ADARB2: variants seen among roughly 807,000 people sequenced by gnomAD.
ADARB2 encodes adenosine deaminase RNA specific B2 (inactive).
A neutral mutation model predicts 62.2 loss-of-function variants in ADARB2; 25 were observed. That is an observed-to-expected ratio of 0.40 (90% CI 0.29 to 0.56). The LOEUF (loss-of-function observed/expected upper bound fraction) is 0.56. Ranked by LOEUF, ADARB2 falls within the 20% of genes least tolerant of loss-of-function variation. The pLI, the probability that ADARB2 is intolerant of heterozygous loss-of-function variation, is 0.43. For missense variants in ADARB2, 1,071 were observed against 1,077.4 expected (o/e 0.99, Z 0.08); for synonymous variants, 572 against 500.8 (o/e 1.14, Z -1.90).
In ADARB2 at chr10:1,600,617, G is replaced by A. The variant is rs1223803655; in HGVS notation, c.100+136434C>T. Among the ~76,000 whole-genome samples, 7 of 125,432 alleles carry A rather than the reference G, an allele frequency of 5.6e-5. No individual in the cohort carries two copies. In the East Asian group the frequency reaches 1.0e-3, roughly 18 times the overall value. 82.3% of individuals were successfully genotyped at this position (125,432 alleles called of 152,430 possible). A position where few individuals can be genotyped will look rare whatever the true frequency, so the allele number is the denominator to read the frequency against. ...GCGGAGGCTGCAATGAGCCGAAATT[G>A]CATCACTGCACCCCAGCCTGGGCAA... is the stretch of plus-strand genomic sequence containing the variant. On this transcript the variant is annotated intron_variant, in intron 1 of 9. Coordinates refer to ENST00000381312, the MANE Select transcript of ADARB2 (RefSeq NM_018702.4).
intron 3 of ADARB2, among the ~76,000 whole-genome samples, chr10:1,353,088 C>A (rs897157515): frequency 6.6e-6 from 1 of 152,202 alleles, no homozygotes; most frequent in African/African-American, 2.4e-5. Flanking sequence ...TTCTACTACT[C>A]CTCAGGGATT....
At chr10:1,214,892 C>A (rs999847679) in intron 7 of ADARB2, among the ~76,000 whole-genome samples, 1 of 152,232 alleles carries the variant, frequency 6.6e-6, no homozygotes, top group Admixed American at 6.5e-5. Flanking sequence ...CCTGTGGCTC[C>A]CCAGCCAGGA....
chr10:1,185,191 AGGGCGGAGGCTGCAAATT>A, intron 8 of ADARB2, 152 bp from the exon 9 acceptor site: 3 of 1,072,050 alleles, frequency 2.8e-6, no homozygotes, highest in Non-Finnish European at 3.9e-6. Flanking sequence ...TGTCACCCGC[AGGGCGGAGGCTGCAAATT>A]GGGCAGGATC....
chr10:1,594,935 G>C (rs1363861046), intron 1 of ADARB2, among the ~76,000 whole-genome samples: 1 of 152,158 alleles, frequency 6.6e-6, no homozygotes, highest in Non-Finnish European at 1.5e-5. Flanking sequence ...GCCGCTGAGC[G>C]CCCACTGCCT....
chr10:1,709,128 C>T (rs1834923938), intron 1 of ADARB2, among the ~76,000 whole-genome samples: 1 of 152,174 alleles, frequency 6.6e-6, no homozygotes, highest in Non-Finnish European at 1.5e-5. Context: ...CTGAATGAGT[C>T]TCTCTATGGA....
chr10:1,606,878 C>T (rs774578350), intron 1 of ADARB2, among the ~76,000 whole-genome samples: 62 of 152,302 alleles, frequency 4.1e-4, no homozygotes, highest in African/African-American at 5.3e-4. Context: ...CCCAGTGAAA[C>T]GGCCTGTGCT....
At chr10:1,677,462 G>A (rs1834480619) in intron 1 of ADARB2, among the ~76,000 whole-genome samples, 1 of 152,168 alleles carries the variant, frequency 6.6e-6, no homozygotes, top group African/African-American at 2.4e-5. Flanking sequence ...GGGTGTGCAG[G>A]GCTGTCAGCC....
intron 1 of ADARB2, among the ~76,000 whole-genome samples, chr10:1,727,547 T>C (rs1485286106): frequency 6.6e-6 from 1 of 152,248 alleles, no homozygotes; most frequent in African/African-American, 2.4e-5. Context: ...CTATTATGTT[T>C]TGATATTGTA....
chr10:1,616,482 C>A (rs992574655), intron 1 of ADARB2, among the ~76,000 whole-genome samples: 11 of 149,928 alleles, frequency 7.3e-5, no homozygotes, highest in African/African-American at 2.2e-4. Context: ...CTCCACACCA[C>A]CCTGCTGAGC....
intron 3 of ADARB2, among the ~76,000 whole-genome samples, chr10:1,323,472 C>A (rs1384855829): frequency 6.6e-6 from 1 of 152,012 alleles, no homozygotes; most frequent in Admixed American, 6.6e-5. Flanking sequence ...CAAGCTTATT[C>A]TAAAATATGT....
intron 3 of ADARB2, among the ~76,000 whole-genome samples, chr10:1,302,145 C>T (rs1202502121): frequency 8.5e-5 from 13 of 152,194 alleles, no homozygotes; most frequent in African/African-American, 2.4e-4. Context: ...GAGTGCCAGA[C>T]AGTGGGTGCA....
At chr10:1,240,752 A>C (rs1830912218) in intron 5 of ADARB2, among the ~76,000 whole-genome samples, 1 of 152,224 alleles carries the variant, frequency 6.6e-6, no homozygotes, top group African/African-American at 2.4e-5. Flanking sequence ...GCATGTAACC[A>C]GCTCCTGGTA....
In ADARB2 at chr10:1,444,942, T is replaced by TCCAC. The variant is rs550905509; in HGVS notation, c.101-65786_101-65783dup. On this transcript the variant is annotated intron_variant, in intron 1 of 9. Coordinates refer to ENST00000381312, the MANE Select transcript of ADARB2 (RefSeq NM_018702.4). ...CATTCTCCTTCCATCTATCAATCCA[T>TCCAC]CCACCCACCCATCCATTCATCCACC... Among the ~76,000 whole-genome samples the TCCAC allele has an allele frequency of 2.0e-4, 29 of 145,150 alleles. No individual in the cohort carries two copies. In the South Asian group the frequency reaches 6.6e-3, roughly 33 times the overall value.
chr10:1,186,505 G>T (rs1261196102), intron 8 of ADARB2: 1 of 518,934 alleles, frequency 1.9e-6, no homozygotes, highest in African/African-American at 1.9e-5. Flanking sequence ...GCCTCTACCT[G>T]ACGCGTTCCC....
intron 1 of ADARB2, among the ~76,000 whole-genome samples, chr10:1,646,914 G>T (rs936715757): frequency 6.6e-6 from 1 of 152,228 alleles, no homozygotes; most frequent in Non-Finnish European, 1.5e-5. Context: ...CGACCAGCAT[G>T]CAAGAGTTCC....
At chr10:1,467,663 G>T (rs776767734) in intron 1 of ADARB2, among the ~76,000 whole-genome samples, 1 of 152,190 alleles carries the variant, frequency 6.6e-6, no homozygotes, top group African/African-American at 2.4e-5. Context: ...GCTCCTGGGG[G>T]CGTGGAAGGC....
chr10:1,297,928 G>A (rs117352223), intron 3 of ADARB2, among the ~76,000 whole-genome samples: 3,096 of 152,280 alleles, frequency 0.02, 72 homozygotes, highest in Middle Eastern at 0.027. Context: ...AACCAGCCCT[G>A]CCCACACCTG....
chr10:1,428,627 A>G (rs758475858), intron 1 of ADARB2, among the ~76,000 whole-genome samples: 2 of 147,910 alleles, frequency 1.4e-5, no homozygotes, highest in African/African-American at 2.5e-5. Flanking sequence ...TGACTAAACT[A>G]TGGAAATGGA....
At chr10:1,195,393 T>TG (rs1836896233) in intron 8 of ADARB2, among the ~76,000 whole-genome samples, 1 of 131,146 alleles carries the variant, frequency 7.6e-6, no homozygotes, top group Non-Finnish European at 1.5e-5. Flanking sequence ...TACACAGTTT[T>TG]TTTTTTGTTT....
Sources: gnomAD v4.1 joint callset for allele counts (sites outside exome capture counted in the v4.1 genomes callset) on GRCh38, gnomAD v4.1.1 for gene constraint, MANE v1.5 for transcripts, NCBI Gene and HGNC (gene_info 2026-07-23, HGNC 2026-07-21) for gene names.